The following RHOU variants were observed in gnomAD, a reference collection of about 807,000 sequenced individuals.
The protein encoded by RHOU is rho-related GTP-binding protein RhoU.
In RHOU, 8 loss-of-function variants were observed where a neutral mutation model predicts 12.6. The ratio of observed to expected loss-of-function variants is 0.64; its 90% CI spans 0.37 to 1.15. RHOU has a LOEUF of 1.15. Ranked by LOEUF, RHOU falls within the 50% of genes most tolerant of loss-of-function variation. RHOU has a pLI of 0.01. For missense variants in RHOU, 258 were observed against 347.0 expected (o/e 0.74, Z 2.04); for synonymous variants, 161 against 147.4 (o/e 1.09, Z -0.67).
the RHOU span, among the ~76,000 whole-genome samples, chr1:228,713,522 G>A: frequency 6.6e-6 from 1 of 151,996 alleles, no homozygotes; most frequent in Admixed American, 6.6e-5. Flanking sequence ...TAGAGATAGG[G>A]GTTCTCACTA....
At chr1:228,707,196 CATAT>C in the RHOU span, among the ~76,000 whole-genome samples, 3 of 70,638 alleles carry the variant, frequency 4.2e-5, no homozygotes, top group African/African-American at 1.9e-4. Context: ...TATATATATA[CATAT>C]ATATACATAT....
At chr1:228,718,945 C>T in the RHOU span, among the ~76,000 whole-genome samples, 1 of 152,144 alleles carries the variant, frequency 6.6e-6, no homozygotes, top group Admixed American at 6.6e-5. Context: ...CTCAAATCAG[C>T]CAGTTGAGAG....
the RHOU span, among the ~76,000 whole-genome samples, chr1:228,726,331 G>C: frequency 6.6e-6 from 1 of 152,122 alleles, no homozygotes; most frequent in East Asian, 1.9e-4. Context: ...TCTTGTGTAA[G>C]TCTAATGGTT....
chr1:228,687,684 C>G, the RHOU span: 1 of 1,488,926 alleles, frequency 6.7e-7, no homozygotes, highest in African/African-American at 1.4e-5. Context: ...CATTGAGACA[C>G]ATTACCTGAA....
the RHOU span, among the ~76,000 whole-genome samples, chr1:228,678,030 G>C: frequency 6.6e-6 from 1 of 152,124 alleles, no homozygotes. Flanking sequence ...TTTCTGACTC[G>C]GGGCATGTGA....
the RHOU span, among the ~76,000 whole-genome samples, chr1:228,659,758 C>T: frequency 1.8e-4 from 27 of 151,648 alleles, no homozygotes; most frequent in Non-Finnish European, 2.7e-4. Flanking sequence ...CCAAGGCAGG[C>T]GGATCACTTG....
chr1:228,735,343 G>A (rs1571887389), upstream of RHOU: 3 of 152,902 alleles, frequency 2.0e-5, no homozygotes, highest in South Asian at 4.1e-4. The surrounding 1 kb of genome is among the most constrained non-coding windows in gnomAD (Gnocchi z 8.1). Context: ...CAGGCGCGCG[G>A]CGCGCAGGCG....
At chr1:228,650,783 C>A in the RHOU span, 1 of 429,564 alleles carries the variant, frequency 2.3e-6, no homozygotes, top group South Asian at 1.9e-5. Context: ...CTCCCTCTAC[C>A]TTGGAGGTGC....
the RHOU span, among the ~76,000 whole-genome samples, chr1:228,679,987 A>G: frequency 2.0e-5 from 3 of 152,168 alleles, no homozygotes; most frequent in Non-Finnish European, 4.4e-5. Flanking sequence ...AGTGCATAAA[A>G]GAAAATTGTC....
At chr1:228,695,408 G>T in the RHOU span, among the ~76,000 whole-genome samples, 1 of 152,074 alleles carries the variant, frequency 6.6e-6, no homozygotes. Flanking sequence ...GACACCATCT[G>T]GGTATCCTCC....
At position 228,745,956 on chromosome 1, in the gene RHOU, T is replaced by G. The variant is rs185633981; in HGVS notation, c.*2216T>G. On this transcript the variant is annotated 3_prime_UTR_variant, in exon 3 of 3. Coordinates refer to ENST00000366691, the MANE Select transcript of RHOU (RefSeq NM_021205.6). ...GCAGTTGGTCTCCCTGGAGGGGACTTCCACACCTCCTGCCTTTAGGCCATG... is the reference window on the plus strand; with the variant it reads ...GCAGTTGGTCTCCCTGGAGGGGACTGCCACACCTCCTGCCTTTAGGCCATG... 2.6e-5 allele frequency: 4 copies of G among 152,250 alleles called. No individual in the cohort carries two copies. Among genetic ancestry groups the G allele is most frequent in the Non-Finnish European group, 5.9e-5 (4 of 68,056 alleles). 9.4% of individuals were successfully genotyped at this position (152,250 alleles called of 1,614,324 possible).
chr1:228,654,651 T>G, the RHOU span, among the ~76,000 whole-genome samples: 1 of 152,242 alleles, frequency 6.6e-6, no homozygotes, highest in East Asian at 1.9e-4. Context: ...GATAATGACA[T>G]AATTGAAATT....
chr1:228,727,576 C>A, the RHOU span, among the ~76,000 whole-genome samples: 1 of 152,218 alleles, frequency 6.6e-6, no homozygotes, highest in Non-Finnish European at 1.5e-5. Flanking sequence ...GAAGTCCATA[C>A]ATTCATTCTG....
chr1:228,666,097 G>C, the RHOU span, among the ~76,000 whole-genome samples: 1 of 151,650 alleles, frequency 6.6e-6, no homozygotes. Flanking sequence ...AGCTAGGATT[G>C]CAGGCGTGCA....
the RHOU span, among the ~76,000 whole-genome samples, chr1:228,708,998 G>A: frequency 1.3e-5 from 2 of 152,010 alleles, no homozygotes; most frequent in Non-Finnish European, 2.9e-5. Context: ...AAAAAGGAAG[G>A]GGTTGCAATC....
At chr1:228,682,949 G>A in the RHOU span, among the ~76,000 whole-genome samples, 1 of 152,114 alleles carries the variant, frequency 6.6e-6, no homozygotes, top group Non-Finnish European at 1.5e-5. Context: ...GCCCCATGGT[G>A]CTTTGACTTT....
chr1:228,678,594 T>TA, the RHOU span, among the ~76,000 whole-genome samples: 4 of 152,002 alleles, frequency 2.6e-5, no homozygotes, highest in African/African-American at 9.7e-5. Context: ...GACCCTCGAG[T>TA]AGTGAGGAAA....
At chr1:228,740,386 T>C (rs1407575787) in intron 2 of RHOU, among the ~76,000 whole-genome samples, 4 of 152,198 alleles carry the variant, frequency 2.6e-5, no homozygotes, top group Admixed American at 2.6e-4. Flanking sequence ...TCTAAAAATT[T>C]GTAGACTTTT....
chr1:228,692,074 C>T, the RHOU span, among the ~76,000 whole-genome samples: 33 of 152,082 alleles, frequency 2.2e-4, 1 homozygote, highest in Non-Finnish European at 4.4e-4. Context: ...TAATTATGTA[C>T]GAAGTAATGA....
Sources: allele counts gnomAD v4.1 joint callset (sites outside exome capture counted in the v4.1 genomes callset), GRCh38; gene constraint gnomAD v4.1.1; non-coding constraint Gnocchi (gnomAD v3.1); transcripts MANE v1.5; gene names NCBI Gene and HGNC (gene_info 2026-07-23, HGNC 2026-07-21).